The following RAB38 variants were observed in gnomAD, a reference collection of about 807,000 sequenced individuals.
RAB38 encodes the protein ras-related protein Rab-38.
RAB38 carries 15 observed loss-of-function variants against 18.4 expected under a neutral mutation model. The ratio of observed to expected loss-of-function variants is 0.82; its 90% CI spans 0.55 to 1.26. The LOEUF (loss-of-function observed/expected upper bound fraction) is 1.26, where lower values mean the gene tolerates loss of function less well. Among genes scored for constraint, RAB38 ranks in the 50% most tolerant of loss-of-function variants. The pLI is 0.00. For synonymous variants in RAB38, 101 were observed against 104.4 expected (o/e 0.97, Z 0.20); for missense variants, 294 against 267.4 (o/e 1.10, Z -0.69).
chr11:87,944,850 GTTTGTTTGTT>G, the RAB38 span, among the ~76,000 whole-genome samples: 1 of 152,130 alleles, frequency 6.6e-6, no homozygotes, highest in East Asian at 1.9e-4. Context: ...GGGTGTTTTT[GTTTGTTTGTT>G]TTTGAAGGAA....
At chr11:87,914,911 T>A in the RAB38 span, among the ~76,000 whole-genome samples, 1 of 152,094 alleles carries the variant, frequency 6.6e-6, no homozygotes, top group Admixed American at 6.6e-5. Flanking sequence ...TTCTACAAGG[T>A]GTTAGGGCTG....
chr11:87,873,882 A>ATG, the RAB38 span, among the ~76,000 whole-genome samples: 11,868 of 103,866 alleles, frequency 0.11, 1,221 homozygotes, highest in East Asian at 0.36. Flanking sequence ...GTGTGTATAT[A>ATG]TATGTGTGTG....
At chr11:87,950,967 A>T in the RAB38 span, among the ~76,000 whole-genome samples, 1 of 152,162 alleles carries the variant, frequency 6.6e-6, no homozygotes, top group Non-Finnish European at 1.5e-5. Context: ...CCTGGATAAT[A>T]TCCTGCAGAG....
the RAB38 span, among the ~76,000 whole-genome samples, chr11:88,045,124 C>T: frequency 6.6e-6 from 1 of 152,118 alleles, no homozygotes; most frequent in Non-Finnish European, 1.5e-5. Flanking sequence ...TTGGCAGCAA[C>T]CCTGAGATGC....
the RAB38 span, among the ~76,000 whole-genome samples, chr11:88,006,606 C>A: frequency 7.7e-6 from 1 of 130,346 alleles, no homozygotes; most frequent in South Asian, 2.5e-4. Context: ...TATATATACA[C>A]ATTATATATA....
chr11:87,826,842 T>G, the RAB38 span, among the ~76,000 whole-genome samples: 5 of 152,154 alleles, frequency 3.3e-5, no homozygotes, highest in Non-Finnish European at 7.3e-5. Flanking sequence ...CCTCCCTGAC[T>G]CCAAGGCCTG....
the RAB38 span, among the ~76,000 whole-genome samples, chr11:88,007,518 G>C: frequency 1.3e-5 from 2 of 151,888 alleles, no homozygotes; most frequent in East Asian, 3.9e-4. Context: ...TAAATTATTA[G>C]CCAAATGCAA....
the RAB38 span, among the ~76,000 whole-genome samples, chr11:87,963,192 TAC>T: frequency 6.6e-6 from 1 of 152,168 alleles, no homozygotes; most frequent in Non-Finnish European, 1.5e-5. Flanking sequence ...ACACATATAA[TAC>T]ACACATACAT....
the RAB38 span, among the ~76,000 whole-genome samples, chr11:88,009,234 A>G: frequency 3.6e-4 from 55 of 152,290 alleles, 1 homozygote; most frequent in South Asian, 8.5e-3. Context: ...TTTCTTATCT[A>G]TGGTTCTATA....
At chr11:88,164,616 TTTTAA>T (rs138082728) in intron 1 of RAB38, among the ~76,000 whole-genome samples, 37,727 of 151,882 alleles carry the variant, frequency 0.25, 4,695 homozygotes, top group Admixed American at 0.27. Flanking sequence ...AATAATTTTC[TTTTAA>T]TTTATGCGTT....
At chr11:88,015,923 C>T in the RAB38 span, among the ~76,000 whole-genome samples, 1 of 152,122 alleles carries the variant, frequency 6.6e-6, no homozygotes, top group Non-Finnish European at 1.5e-5. Context: ...GCTTGTGCAT[C>T]AGAGATAGAG....
the RAB38 span, among the ~76,000 whole-genome samples, chr11:88,086,529 G>A: frequency 1.3e-5 from 2 of 151,964 alleles, no homozygotes; most frequent in South Asian, 2.1e-4. Context: ...CCTGACATAC[G>A]CTATTCCAAT....
the RAB38 span, among the ~76,000 whole-genome samples, chr11:88,032,276 C>T: frequency 1.3e-5 from 2 of 152,140 alleles, no homozygotes; most frequent in East Asian, 1.9e-4. Flanking sequence ...CCATAACAAC[C>T]CTAGAAGAAA....
At chr11:87,805,619 A>ACG in the RAB38 span, among the ~76,000 whole-genome samples, 11 of 136,858 alleles carry the variant, frequency 8.0e-5, no homozygotes, top group Admixed American at 2.1e-4. Context: ...ACACACACAC[A>ACG]CACGCACACA....
the RAB38 span, among the ~76,000 whole-genome samples, chr11:87,855,747 AT>A: frequency 3.3e-5 from 5 of 152,202 alleles, no homozygotes; most frequent in African/African-American, 9.6e-5. Flanking sequence ...CTACATAAAA[AT>A]ATCCTATGCC....
the RAB38 span, among the ~76,000 whole-genome samples, chr11:88,031,164 G>A: frequency 6.6e-6 from 1 of 152,126 alleles, no homozygotes; most frequent in African/African-American, 2.4e-5. Context: ...AAAGGCCTTT[G>A]ACAAAATTCA....
At chr11:88,057,653 G>A in the RAB38 span, among the ~76,000 whole-genome samples, 1 of 152,064 alleles carries the variant, frequency 6.6e-6, no homozygotes, top group African/African-American at 2.4e-5. Flanking sequence ...TAGGGAGCTC[G>A]GAGGTCTTGT....
chr11:88,161,532 C>A (rs541074616), intron 1 of RAB38, among the ~76,000 whole-genome samples: 1 of 152,092 alleles, frequency 6.6e-6, no homozygotes, highest in Non-Finnish European at 1.5e-5. Context: ...AGCAGATTGA[C>A]CATCTTTCGA....
chr11:87,902,482 T>A, the RAB38 span, among the ~76,000 whole-genome samples: 1 of 151,458 alleles, frequency 6.6e-6, no homozygotes, highest in Non-Finnish European at 1.5e-5. Flanking sequence ...CAGTACTGTT[T>A]TGGTCATTCC....
Sources: allele counts gnomAD v4.1 joint callset (sites outside exome capture counted in the v4.1 genomes callset), GRCh38; gene constraint gnomAD v4.1.1; transcripts MANE v1.5; gene names NCBI Gene and HGNC (gene_info 2026-07-23, HGNC 2026-07-21).